Variants in CNTN5 observed in about 807,000 individuals in gnomAD.
CNTN5 encodes the protein contactin-5.
In CNTN5, 77 loss-of-function variants were observed where a neutral mutation model predicts 129.1. That is an observed-to-expected ratio of 0.60 (90% CI 0.50 to 0.72). CNTN5 has a LOEUF of 0.72. Among genes scored for constraint, CNTN5 ranks in the 30% least tolerant of loss-of-function variants. The pLI, the probability that CNTN5 is intolerant of heterozygous loss-of-function variation, is 0.00. For synonymous variants in CNTN5, 509 were observed against 465.6 expected, an observed-to-expected ratio of 1.09 and a Z score of -1.20; for missense variants, 1,478 against 1,328.8, an observed-to-expected ratio of 1.11 and a Z score of -1.75.
chr11:99,770,608 CTT>C (rs1036980179), intron 3 of CNTN5, among the ~76,000 whole-genome samples: 4 of 151,956 alleles, frequency 2.6e-5, no homozygotes, highest in Admixed American at 2.0e-4. Context: ...TTATTTGTGT[CTT>C]TTTGAATTTC....
At chr11:99,961,544 G>A (rs1046349376) in intron 8 of CNTN5, among the ~76,000 whole-genome samples, 1 of 152,170 alleles carries the variant, frequency 6.6e-6, no homozygotes, top group Non-Finnish European at 1.5e-5. Flanking sequence ...ATGGAAGCTT[G>A]AGGACATTCT....
chr11:99,515,369 G>T (rs1330618001), intron 2 of CNTN5, among the ~76,000 whole-genome samples: 1 of 151,976 alleles, frequency 6.6e-6, no homozygotes, highest in Non-Finnish European at 1.5e-5. Context: ...AAATGACTTT[G>T]TTCTGAATAT....
chr11:99,229,412 T>A (rs1860867438), intron 1 of CNTN5, among the ~76,000 whole-genome samples: 1 of 151,974 alleles, frequency 6.6e-6, no homozygotes, highest in Non-Finnish European at 1.5e-5. Flanking sequence ...CTGAATAGCT[T>A]TTTTTATTGC....
chr11:99,742,905 C>G (rs2135168134), intron 3 of CNTN5, among the ~76,000 whole-genome samples: 1 of 152,314 alleles, frequency 6.6e-6, no homozygotes, highest in Non-Finnish European at 1.5e-5. Flanking sequence ...TAATTAGAAA[C>G]ACAAGGCAAA....
chr11:100,264,095 TA>T (rs1367605162), intron 17 of CNTN5, among the ~76,000 whole-genome samples: 2 of 152,128 alleles, frequency 1.3e-5, no homozygotes, highest in Non-Finnish European at 1.5e-5. Flanking sequence ...TATATGTATA[TA>T]AAAACATACA....
intron 8 of CNTN5, among the ~76,000 whole-genome samples, chr11:99,972,505 C>G (rs1040965980): frequency 6.6e-6 from 1 of 152,166 alleles, no homozygotes; most frequent in Non-Finnish European, 1.5e-5. Context: ...ATAGTTAAAT[C>G]CACATGCTCT....
intron 1 of CNTN5, among the ~76,000 whole-genome samples, chr11:99,284,645 GTGTGTGTGT>G: frequency 8.4e-6 from 1 of 118,364 alleles, no homozygotes; most frequent in African/African-American, 3.5e-5. Context: ...GTGTGTGTGT[GTGTGTGTGT>G]GTGTGTGGTG....
chr11:100,091,162 G>T (rs947880536), intron 13 of CNTN5, among the ~76,000 whole-genome samples: 1 of 151,906 alleles, frequency 6.6e-6, no homozygotes, highest in Admixed American at 6.6e-5. Context: ...TCCCTGTTCG[G>T]TGCATGCAGT....
rs1008172332 is a variant in CNTN5, at chr11:99,682,549, AAC to A, written c.55+126284_55+126285del. Among the ~76,000 whole-genome samples the A allele has an allele frequency of 5.3e-4, 81 of 152,146 alleles. 1 individual carries two copies. Among genetic ancestry groups the A allele is most frequent in the African/African-American group, 1.7e-3 (72 of 41,510 alleles). ...TTTAAAAGGAGACAATACATTGAGA[AAC>A]ACAGTAAACAAAATATAATTCAAAC... On this transcript the variant is annotated intron_variant, in intron 3 of 24. Coordinates refer to ENST00000524871, the MANE Select transcript of CNTN5 (RefSeq NM_014361.4).
rs144583251 is a variant in CNTN5 at position 99,938,217 on chromosome 11, C to G, written c.674-18589C>G. On this transcript the variant is annotated intron_variant, in intron 7 of 24. Coordinates refer to ENST00000524871, the MANE Select transcript of CNTN5 (RefSeq NM_014361.4). ...ACTCCCTATGCTTGGAAAGTCTTCA[C>G]TATTTTAATTACATTCTAGGATTCT... 9.2e-3 allele frequency among the ~76,000 whole-genome samples: 1,406 copies of G among 152,198 alleles called. 17 individuals are homozygous for G. The highest frequency in any genetic ancestry group is 0.032 in the African/African-American group (1,334 of 41,502).
chr11:100,037,924 T>C (rs1459797161), intron 9 of CNTN5, among the ~76,000 whole-genome samples: 2 of 152,186 alleles, frequency 1.3e-5, no homozygotes, highest in East Asian at 3.9e-4. Flanking sequence ...AACCAGCTCC[T>C]GGATTCATTG....
intron 3 of CNTN5, among the ~76,000 whole-genome samples, chr11:99,778,615 A>G (rs898224968): frequency 6.6e-5 from 10 of 151,718 alleles, no homozygotes; most frequent in Non-Finnish European, 1.5e-4. Context: ...TCAGGAAGAG[A>G]TGGCCAAATG....
chr11:99,308,364 A>C (rs1864960578), intron 1 of CNTN5, among the ~76,000 whole-genome samples: 1 of 152,320 alleles, frequency 6.6e-6, no homozygotes, highest in East Asian at 1.9e-4. Context: ...TGCCTTCAAA[A>C]GCTAAGAAGT....
At chr11:100,347,344 T>C (rs1358621326) in intron 23 of CNTN5, among the ~76,000 whole-genome samples, 1 of 152,086 alleles carries the variant, frequency 6.6e-6, no homozygotes, top group Non-Finnish European at 1.5e-5. Context: ...TCCTTCATCT[T>C]ATATTCACTC....
intron 3 of CNTN5, among the ~76,000 whole-genome samples, chr11:99,658,601 G>A (rs1052950343): frequency 2.0e-5 from 3 of 151,864 alleles, no homozygotes; most frequent in African/African-American, 7.3e-5. Flanking sequence ...GCCTAGCGCA[G>A]AGGCTCATGC....
chr11:99,734,604 G>A (rs533913857), intron 3 of CNTN5, among the ~76,000 whole-genome samples: 1 of 152,066 alleles, frequency 6.6e-6, no homozygotes, highest in East Asian at 1.9e-4. Context: ...CTCAAAAACA[G>A]ACTTCTAAAA....
intron 1 of CNTN5, among the ~76,000 whole-genome samples, chr11:99,078,662 A>G (rs1235342327): frequency 6.6e-6 from 1 of 152,214 alleles, no homozygotes; most frequent in Non-Finnish European, 1.5e-5. Flanking sequence ...ACTGGAGGAC[A>G]GTACGTTAAG....
At chr11:99,818,228 A>G (rs1299766963) in intron 3 of CNTN5, among the ~76,000 whole-genome samples, 1 of 151,996 alleles carries the variant, frequency 6.6e-6, no homozygotes, top group Non-Finnish European at 1.5e-5. Context: ...AATGATTATT[A>G]AGTTTAAAGG....
At chr11:100,192,399 GTTAATA>G (rs1948519883) in intron 14 of CNTN5, among the ~76,000 whole-genome samples, 1 of 151,970 alleles carries the variant, frequency 6.6e-6, no homozygotes, top group Non-Finnish European at 1.5e-5. Context: ...CTTCCAGAAT[GTTAATA>G]TTTACAGTGA....
Sources: gnomAD v4.1 joint callset for allele counts (sites outside exome capture counted in the v4.1 genomes callset) on GRCh38, gnomAD v4.1.1 for gene constraint, MANE v1.5 for transcripts, NCBI Gene and HGNC (gene_info 2026-07-23, HGNC 2026-07-21) for gene names.